Variants in ZNF438 observed in about 807,000 individuals in gnomAD.
The protein encoded by ZNF438 is zinc finger protein 438.
In ZNF438, 25 loss-of-function variants were observed where a neutral mutation model predicts 38.0. The observed-to-expected ratio is 0.66, with a 90% confidence interval of 0.48 to 0.92. The LOEUF is 0.92. ZNF438 is among the 40% of genes least tolerant of loss of function. The pLI is 0.00. For synonymous variants in ZNF438, 372 were observed against 364.1 expected (o/e 1.02, Z -0.25); for missense variants, 1,007 against 999.6 (o/e 1.01, Z -0.10).
chr10:30,868,008 T>C lies in ZNF438; in HGVS notation c.37+8990A>G, dbSNP rs116765284. 3.0e-3 allele frequency among the ~76,000 whole-genome samples: 460 copies of C among 152,218 alleles called. 1 individual carries two copies. Among genetic ancestry groups the C allele is most frequent in the African/African-American group, 0.01 (424 of 41,532 alleles). On this transcript the variant is annotated intron_variant, in intron 4 of 5. Coordinates refer to ENST00000413025, the Ensembl canonical transcript of ZNF438. ...ATATTTTTCCCCCAATTTTAAGAAA[T>C]ATCATCACAAGATACTCTTGGTAGT... is the stretch of plus-strand genomic sequence containing the variant.
At chr10:30,858,547 T>C (rs1441758943) in intron 4 of ZNF438, among the ~76,000 whole-genome samples, 2 of 152,248 alleles carry the variant, frequency 1.3e-5, no homozygotes, top group Non-Finnish European at 2.9e-5. Flanking sequence ...CTATGGAGCA[T>C]GCACTGTAAA....
rs749188059 is a variant in ZNF438 at position 30,845,239 on chromosome 10, C to T, written c.2209G>A (p.Val737Met). 16 of 1,614,140 alleles carry T rather than the reference C, an allele frequency of 9.9e-6. No individual in the cohort carries two copies. In the Admixed American group the frequency reaches 1.0e-4, roughly 10 times the overall value. ...CCTTCATTTTCCATGAGCATTTCCA[C>T]GCCATTCTGATGAAGGTGGAGCTGC... Residue 737 changes from valine to methionine, a missense_variant, in exon 6 of 6, where the codon GTG becomes ATG. Physicochemically the swap from Val to Met is conservative, Grantham distance 21. Transcript: ENST00000413025.
At chr10:30,891,212 C>T (rs190653283) in intron 3 of ZNF438, among the ~76,000 whole-genome samples, 1 of 152,228 alleles carries the variant, frequency 6.6e-6, no homozygotes, top group African/African-American at 2.4e-5. Context: ...TCCTCATTTA[C>T]TTTGCTCTGC....
rs1252306215 is a variant in ZNF438 at position 30,844,806 on chromosome 10, C to T, written c.*155G>A. 14 of 956,320 alleles carry T rather than the reference C, an allele frequency of 1.5e-5. No homozygotes were observed. The East Asian group carries it at 2.2e-4, about 15-fold the overall frequency. The allele number at this position is 956,320 out of a possible 1,614,324, so 59.2% of individuals were successfully genotyped here. On this transcript the variant is annotated 3_prime_UTR_variant, in exon 6 of 6. Coordinates refer to ENST00000413025, the Ensembl canonical transcript of ZNF438. The stretch of plus-strand genomic sequence containing the variant: ...TGCTTCGAGAGCTTATATTTTATTT[C>T]GTTAAGAAAATAAAACCATGTACAA...
intron 3 of ZNF438, among the ~76,000 whole-genome samples, chr10:30,901,975 G>A (rs2042049186): frequency 6.6e-6 from 1 of 152,052 alleles, no homozygotes; most frequent in African/African-American, 2.4e-5. Context: ...TTCTCCTGGT[G>A]GGTTCGTGAT....
At chr10:30,900,068 C>T (rs529914430) in intron 3 of ZNF438, among the ~76,000 whole-genome samples, 6 of 152,126 alleles carry the variant, frequency 3.9e-5, no homozygotes, top group Non-Finnish European at 8.8e-5. Flanking sequence ...TTTGTGGACC[C>T]TACCATCTGT....
intron 1 of ZNF438, among the ~76,000 whole-genome samples, chr10:31,001,031 C>T (rs2054600338): frequency 6.6e-6 from 1 of 152,098 alleles, no homozygotes; most frequent in African/African-American, 2.4e-5. Flanking sequence ...CTCATCTCAC[C>T]AGCCCTCTTA....
chr10:30,863,160 CCT>C (rs1487464272), intron 4 of ZNF438, among the ~76,000 whole-genome samples: 4 of 152,196 alleles, frequency 2.6e-5, no homozygotes, highest in Admixed American at 6.5e-5. Flanking sequence ...CAAGTATTCC[CCT>C]GTTATGCTGA....
chr10:30,931,226 A>C (rs1411366401), intron 2 of ZNF438, among the ~76,000 whole-genome samples: 1 of 152,230 alleles, frequency 6.6e-6, no homozygotes, highest in Admixed American at 6.5e-5. Context: ...TGGTCATCTT[A>C]CTGACCATGC....
At chr10:31,032,363 G>A (rs1401606562), upstream of ZNF438, among the ~76,000 whole-genome samples, 1 of 152,026 alleles carries the variant, frequency 6.6e-6, no homozygotes, top group Non-Finnish European at 1.5e-5. Flanking sequence ...CTCTCCCAGG[G>A]TCCCTCGCTC....
At chr10:31,031,490 GGAA>G (rs1395000744) in intron 1 of ZNF438, among the ~76,000 whole-genome samples, 3 of 152,196 alleles carry the variant, frequency 2.0e-5, no homozygotes, top group Admixed American at 1.3e-4. Flanking sequence ...GCTGAGAGGG[GGAA>G]GAAAAGGAAT....
chr10:30,853,768 A>G, intron 4 of ZNF438, among the ~76,000 whole-genome samples: 1 of 152,184 alleles, frequency 6.6e-6, no homozygotes, highest in African/African-American at 2.4e-5. Flanking sequence ...AGGCTAAGGC[A>G]GGCAGATCAC....
At chr10:30,881,579 C>A (rs1043014350) in intron 3 of ZNF438, among the ~76,000 whole-genome samples, 13 of 152,126 alleles carry the variant, frequency 8.5e-5, no homozygotes, top group Admixed American at 5.9e-4. Context: ...TATATAAATT[C>A]AATGTGATCC....
chr10:30,901,848 T>C (rs1282136431), intron 3 of ZNF438, among the ~76,000 whole-genome samples: 5 of 152,184 alleles, frequency 3.3e-5, no homozygotes, highest in African/African-American at 4.8e-5. Flanking sequence ...GATGTTCAGA[T>C]GTGTTCAGAG....
intron 1 of ZNF438, among the ~76,000 whole-genome samples, chr10:31,000,499 A>G (rs1167834381): frequency 6.6e-6 from 1 of 152,208 alleles, no homozygotes; most frequent in Non-Finnish European, 1.5e-5. Context: ...AAGTCTACAT[A>G]GGCAAATATA....
At position 31,024,167 on chromosome 10, in the gene ZNF438, T is replaced by C. The variant is rs1251857791; in HGVS notation, c.-192+7666A>G. Among the ~76,000 whole-genome samples the C allele has an allele frequency of 6.6e-5, 10 of 152,226 alleles. 1 individual carries two copies. Among genetic ancestry groups the C allele is most frequent in the Admixed American group, 5.9e-4 (9 of 15,286 alleles). On this transcript the variant is annotated intron_variant, in intron 1 of 5. Transcript: ENST00000413025. ...TTGGAGAATATCTGAAGACACAGAA[T>C]AGCTCAGTGGAAACAGCCAAACTAC... is the stretch of plus-strand genomic sequence containing the variant.
chr10:30,953,341 A>G (rs1176474358), intron 1 of ZNF438, among the ~76,000 whole-genome samples: 1 of 152,186 alleles, frequency 6.6e-6, no homozygotes, highest in Non-Finnish European at 1.5e-5. Context: ...AGCGTGGCAC[A>G]TGTATACATA....
At chr10:30,854,927 C>T (rs2034354720) in intron 4 of ZNF438, among the ~76,000 whole-genome samples, 1 of 152,182 alleles carries the variant, frequency 6.6e-6, no homozygotes, top group Non-Finnish European at 1.5e-5. Flanking sequence ...TGGTCAAGGT[C>T]ACCTCGAAGT....
At chr10:30,869,535 C>T (rs2037048882) in intron 4 of ZNF438, among the ~76,000 whole-genome samples, 1 of 152,156 alleles carries the variant, frequency 6.6e-6, no homozygotes, top group African/African-American at 2.4e-5. Flanking sequence ...TTTTAGGCCA[C>T]CCAGGTCATT....
Sources: allele counts gnomAD v4.1 joint callset (sites outside exome capture counted in the v4.1 genomes callset), GRCh38; gene constraint gnomAD v4.1.1; transcripts MANE v1.5; gene names NCBI Gene and HGNC (gene_info 2026-07-23, HGNC 2026-07-21).